Variants in SNTG1 observed in about 807,000 individuals in gnomAD.
SNTG1 encodes the protein syntrophin gamma 1.
In SNTG1, 39 loss-of-function variants were observed where a neutral mutation model predicts 74.7. That is an observed-to-expected ratio of 0.52 (90% CI 0.40 to 0.68). SNTG1 has a LOEUF of 0.68. SNTG1 is among the 30% of genes least tolerant of loss of function. The pLI is 0.00. For synonymous variants in SNTG1, 254 were observed against 217.1 expected (o/e 1.17, Z -1.49); for missense variants, 685 against 609.5 (o/e 1.12, Z -1.30).
chr8:50,389,785 T>G (rs1359679802), intron 2 of SNTG1, among the ~76,000 whole-genome samples: 1 of 152,162 alleles, frequency 6.6e-6, no homozygotes, highest in Non-Finnish European at 1.5e-5. Flanking sequence ...TCTAACTGGT[T>G]CAAGATGATA....
Position 50,183,433 on chromosome 8 carries a change from AT to A in SNTG1, c.-28+10804del, listed in dbSNP as rs533297824. On this transcript the variant is annotated intron_variant, in intron 2 of 18. Coordinates refer to ENST00000642720, the MANE Select transcript of SNTG1 (RefSeq NM_018967.5). ...TCTCCGTTTTATAACTCTATATCCC[AT>A]TTTTTCAGCCCACTTACCTTAGTTA... is the stretch of plus-strand genomic sequence containing the variant. Among the ~76,000 whole-genome samples, 11 of 151,790 alleles carry A rather than the reference AT, an allele frequency of 7.2e-5. No individual in the cohort carries two copies. The East Asian group carries it at 2.1e-3, about 30-fold the overall frequency.
chr8:50,290,079 G>A (rs999768253), intron 2 of SNTG1, among the ~76,000 whole-genome samples: 1 of 152,084 alleles, frequency 6.6e-6, no homozygotes, highest in Admixed American at 6.6e-5. Flanking sequence ...AGGATTCCTG[G>A]ATGACTGCTA....
chr8:50,606,858 C>T (rs1176883903), intron 13 of SNTG1, among the ~76,000 whole-genome samples: 1 of 151,518 alleles, frequency 6.6e-6, no homozygotes, highest in African/African-American at 2.4e-5. Context: ...TTATTTCTAT[C>T]AATATGCTAT....
intron 15 of SNTG1, among the ~76,000 whole-genome samples, chr8:50,673,986 T>C (rs921485412): frequency 6.6e-6 from 1 of 152,174 alleles, no homozygotes; most frequent in East Asian, 1.9e-4. Flanking sequence ...ATTTATTGAT[T>C]TAGGTATGTT....
chr8:50,241,288 A>G (rs2086152209), intron 2 of SNTG1, among the ~76,000 whole-genome samples: 1 of 152,242 alleles, frequency 6.6e-6, no homozygotes, highest in African/African-American at 2.4e-5. Context: ...AGTCAAATAT[A>G]TAGAAAGAAG....
chr8:50,169,513 C>T (rs1455189047), intron 1 of SNTG1, among the ~76,000 whole-genome samples: 1 of 152,186 alleles, frequency 6.6e-6, no homozygotes, highest in African/African-American at 2.4e-5. Context: ...ACAGCCCACT[C>T]TTAGGGAGCT....
chr8:50,663,011 G>C (rs1369873445), intron 15 of SNTG1, among the ~76,000 whole-genome samples: 2 of 152,110 alleles, frequency 1.3e-5, no homozygotes, highest in Non-Finnish European at 2.9e-5. Flanking sequence ...AGTTTAGGAA[G>C]GGCATTTTGG....
chr8:50,003,843 G>A (rs751655040), intron 1 of SNTG1, among the ~76,000 whole-genome samples: 5 of 152,182 alleles, frequency 3.3e-5, no homozygotes, highest in Non-Finnish European at 5.9e-5. Context: ...TTAGAATTAA[G>A]TAACTTCCAG....
intron 9 of SNTG1, among the ~76,000 whole-genome samples, chr8:50,511,737 C>T (rs2094078180): frequency 6.6e-6 from 1 of 152,074 alleles, no homozygotes; most frequent in African/African-American, 2.4e-5. Flanking sequence ...AGGATTGCAA[C>T]CTCTGCCTTT....
At chr8:50,369,780 G>T (rs1282580472) in intron 2 of SNTG1, among the ~76,000 whole-genome samples, 1 of 152,046 alleles carries the variant, frequency 6.6e-6, no homozygotes, top group East Asian at 1.9e-4. Flanking sequence ...CATTTTTGTT[G>T]TTTTCTTCAC....
intron 2 of SNTG1, among the ~76,000 whole-genome samples, chr8:50,213,899 A>G (rs1263568417): frequency 1.3e-5 from 2 of 151,664 alleles, no homozygotes; most frequent in African/African-American, 2.4e-5. Context: ...CTCTGATGGT[A>G]GTTTCTTTTG....
chr8:50,095,589 G>A (rs1038138691), intron 1 of SNTG1, among the ~76,000 whole-genome samples: 2 of 151,548 alleles, frequency 1.3e-5, no homozygotes, highest in African/African-American at 4.8e-5. Flanking sequence ...TTTTTTCTGT[G>A]TGCAAAACCA....
intron 1 of SNTG1, among the ~76,000 whole-genome samples, chr8:50,014,688 G>A (rs1816145797): frequency 6.6e-6 from 1 of 152,112 alleles, no homozygotes; most frequent in Admixed American, 6.6e-5. Flanking sequence ...CTATAGGCAA[G>A]CAATGTAGGG....
chr8:50,260,791 T>G (rs1367179414), intron 2 of SNTG1, among the ~76,000 whole-genome samples: 2 of 148,420 alleles, frequency 1.3e-5, no homozygotes, highest in Non-Finnish European at 3.0e-5. Context: ...AAATTAAAAG[T>G]ATTGCAAAAG....
At chr8:50,099,811 G>A (rs2080058222) in intron 1 of SNTG1, among the ~76,000 whole-genome samples, 1 of 152,072 alleles carries the variant, frequency 6.6e-6, no homozygotes, top group Non-Finnish European at 1.5e-5. Context: ...CAGAGCATTT[G>A]CACATTTTTA....
intron 15 of SNTG1, among the ~76,000 whole-genome samples, chr8:50,659,149 T>C (rs945205974): frequency 6.6e-6 from 1 of 152,216 alleles, no homozygotes; most frequent in Non-Finnish European, 1.5e-5. Context: ...ACCATCTTTT[T>C]GCATATGTAA....
chr8:50,200,146 G>C (rs1039358575), intron 2 of SNTG1, among the ~76,000 whole-genome samples: 15 of 152,092 alleles, frequency 9.9e-5, no homozygotes, highest in Admixed American at 5.9e-4. Context: ...TAAGCACTTT[G>C]CATATAATGA....
chr8:50,481,677 CAT>C (rs2093741743), intron 8 of SNTG1, among the ~76,000 whole-genome samples: 1 of 152,234 alleles, frequency 6.6e-6, no homozygotes, highest in Non-Finnish European at 1.5e-5. Flanking sequence ...TGAAATAAAT[CAT>C]ATTGATTTTA....
chr8:50,780,492 G>T (rs959650254), intron 18 of SNTG1, among the ~76,000 whole-genome samples: 1 of 152,210 alleles, frequency 6.6e-6, no homozygotes, highest in African/African-American at 2.4e-5. Flanking sequence ...TATTTGCATA[G>T]AGGTGTTTGT....
Sources: gnomAD v4.1 joint callset for allele counts (sites outside exome capture counted in the v4.1 genomes callset) on GRCh38, gnomAD v4.1.1 for gene constraint, MANE v1.5 for transcripts, NCBI Gene and HGNC (gene_info 2026-07-23, HGNC 2026-07-21) for gene names.